The following TLE3 variants were observed in gnomAD, a reference collection of about 807,000 sequenced individuals.
TLE3 encodes the protein transducin-like enhancer protein 3.
A neutral mutation model predicts 93.0 loss-of-function variants in TLE3; 14 were observed. The ratio of observed to expected loss-of-function variants is 0.15; its 90% CI spans 0.10 to 0.24. The LOEUF is 0.24. TLE3 is among the 10% of genes least tolerant of loss of function. The pLI, the probability that TLE3 is intolerant of heterozygous loss-of-function variation, is 1.00. For missense variants in TLE3, 693 were observed against 1,046.6 expected, an observed-to-expected ratio of 0.66 and a Z score of 4.66; for synonymous variants, 451 against 425.0, an observed-to-expected ratio of 1.06 and a Z score of -0.75.
At chr15:70,096,330 C>A (rs1461510035) in intron 1 of TLE3, 69 bp from the exon 2 acceptor site, 2 of 1,531,512 alleles carry the variant, frequency 1.3e-6, no homozygotes, top group African/African-American at 2.8e-5. Context: ...CGGCCCCGGC[C>A]CCTCCCCAAC....
chr15:70,097,882 T>C lies in TLE3; in HGVS notation c.-1084A>G, dbSNP rs1596057915. On this transcript the variant is annotated 5_prime_UTR_variant, in exon 1 of 20. Transcript: ENST00000451782. The stretch of plus-strand genomic sequence containing the variant: ...ACAGGCGAAGGGGACGAGCACGAGG[T>C]CTGAACTGCCGCGAGAGCAGTTCCA... 1.3e-5 allele frequency: 4 copies of C among 304,030 alleles called. No individual in the cohort carries two copies. In the East Asian group the frequency reaches 2.0e-4, roughly 15 times the overall value. 18.8% of individuals were successfully genotyped at this position (304,030 alleles called of 1,614,324 possible).
intron 4 of TLE3, among the ~76,000 whole-genome samples, chr15:70,079,218 C>T (rs2057618082): frequency 6.6e-6 from 1 of 151,916 alleles, no homozygotes; most frequent in African/African-American, 2.4e-5. Context: ...AGGGCTATCG[C>T]AACAATGCCA....
chr15:70,093,853 C>T (rs898460580), intron 4 of TLE3, among the ~76,000 whole-genome samples: 6 of 152,186 alleles, frequency 3.9e-5, no homozygotes, highest in African/African-American at 1.4e-4. Flanking sequence ...AGCTCAACCC[C>T]CAGCCATCTC....
chr15:70,067,219 T>C (rs967946348), intron 6 of TLE3, among the ~76,000 whole-genome samples: 6 of 152,154 alleles, frequency 3.9e-5, no homozygotes, highest in African/African-American at 1.4e-4. Context: ...TGGGCTTCTC[T>C]TTCCTCTCCC....
rs2055920964 is a variant in TLE3 at position 70,055,277 on chromosome 15, A to G, written c.1350T>C (p.Ser450=). The G allele has an allele frequency of 1.3e-6, 2 of 1,594,622 alleles. No homozygotes were observed. Among genetic ancestry groups the G allele is most frequent in the Non-Finnish European group, 1.7e-6 (2 of 1,171,418 alleles). The part of the protein sequence containing the change: ...GGKPAYSFHV[S]ADGQMQPVPF... ...GCACGGGCTGCATCTGCCCATCAGC[A>G]CTCACATGGAATGAGTACGCTCTGA... The change falls in exon 15 of 20, where the codon AGT becomes AGC. Residue 450 remains serine (S), a synonymous_variant. Coordinates refer to ENST00000451782, the MANE Select transcript of TLE3 (RefSeq NM_001105192.3).
At chr15:70,094,261 G>T (rs772633014) in intron 4 of TLE3, among the ~76,000 whole-genome samples, 1 of 151,884 alleles carries the variant, frequency 6.6e-6, no homozygotes, top group Non-Finnish European at 1.5e-5. Context: ...GATCCTGGAG[G>T]TACAACTTTC....
intron 4 of TLE3, among the ~76,000 whole-genome samples, chr15:70,093,079 G>A (rs72749676): frequency 0.15 from 22,948 of 152,172 alleles, 2,029 homozygotes; most frequent in Middle Eastern, 0.21. Flanking sequence ...GCCCCTTCCA[G>A]TTGCAGAACC....
chr15:70,059,460 C>A lies in TLE3; in HGVS notation c.715G>T (p.Asp239Tyr). The A allele has an allele frequency of 6.2e-7, 1 of 1,608,636 alleles. No individual in the cohort carries two copies. Residue 239 changes from aspartate to tyrosine, a missense_variant and splice_region_variant, in exon 10 of 20, where the codon GAC (aspartate) becomes TAC (tyrosine). Physicochemically the swap from Asp to Tyr is radical, Grantham distance 160. Transcript: ENST00000451782. ...AEEKDSLSRYDSDGDKSDDLV... is the reference protein window; with the variant it reads ...AEEKDSLSRYYSDGDKSDDLV... ...TCATCACTCTTGTCTCCATCACTGT[C>A]CTGCAACCAAGAGAGAAGCCAACTG...
At chr15:70,063,689 A>AT (rs1180046654) in intron 8 of TLE3, among the ~76,000 whole-genome samples, 7 of 152,110 alleles carry the variant, frequency 4.6e-5, no homozygotes, top group African/African-American at 7.2e-5. Flanking sequence ...TCGCTGGAGG[A>AT]TTTTTTTTAT....
intron 3 of TLE3, among the ~76,000 whole-genome samples, chr15:70,095,046 C>G (rs376341165): frequency 6.6e-6 from 1 of 152,294 alleles, no homozygotes; most frequent in East Asian, 1.9e-4. Context: ...GAGAAGATAC[C>G]CAGCTGGGGG....
At chr15:70,080,397 G>A (rs587507) in intron 4 of TLE3, among the ~76,000 whole-genome samples, 3,852 of 152,226 alleles carry the variant, frequency 0.025, 160 homozygotes, top group African/African-American at 0.089. Context: ...CAAAGCAGGC[G>A]CTTTGTTGGT....
At chr15:70,096,133 G>C in intron 2 of TLE3, 28 bp downstream of exon 2, 1 of 1,540,662 alleles carries the variant, frequency 6.5e-7, no homozygotes, top group Non-Finnish European at 8.8e-7. Context: ...CTCCCCGCCA[G>C]CCCCGGGGCG....
rs780088210 is a variant in TLE3, at chr15:70,049,514, T to TG, written c.*582_*583insC. 1.6e-5 allele frequency: 2 copies of TG among 122,184 alleles called. No individual in the cohort carries two copies. The highest frequency in any genetic ancestry group is 8.2e-5 in the Admixed American group (1 of 12,240). 7.6% of individuals were successfully genotyped at this position (122,184 alleles called of 1,614,324 possible). On this transcript the variant is annotated 3_prime_UTR_variant, in exon 20 of 20. Transcript: ENST00000451782. ...TCCCAGGTGAGAGCATCTGTTTATT[T>TG]AAAAAAAAAAAAAAAAAAAAGCCAC...
At chr15:70,050,344 C>T (rs1004382858) in intron 19 of TLE3, 140 bp from the exon 20 acceptor site, 11 of 677,072 alleles carry the variant, frequency 1.6e-5, no homozygotes, top group African/African-American at 1.1e-4. Context: ...TCTGATGCTC[C>T]GACCTGGAGC....
intron 4 of TLE3, among the ~76,000 whole-genome samples, chr15:70,092,023 T>C (rs1645216719): frequency 8.0e-6 from 1 of 125,060 alleles, no homozygotes; most frequent in Non-Finnish European, 1.6e-5. Flanking sequence ...TCCAGGCAGA[T>C]GTAATCACAC....
Position 70,057,557 on chromosome 15 carries a change from C to T in TLE3, c.1153G>A (p.Ala385Thr), listed in dbSNP as rs765874326. 40 of 1,602,642 alleles carry T rather than the reference C, an allele frequency of 2.5e-5. No individual in the cohort carries two copies. The highest frequency in any genetic ancestry group is 1.1e-4 in the East Asian group (5 of 44,352). The change falls in exon 13 of 20, where the codon GCC becomes ACC. Residue 385 changes from alanine to threonine, a missense_variant. Ala to Thr is a moderately conservative substitution (Grantham distance 58). Around this residue, in one of 4 missense-constraint regions of TLE3, gnomAD observed 405 missense variants for 468.9 expected, o/e 0.86. Coordinates refer to ENST00000451782, the MANE Select transcript of TLE3 (RefSeq NM_001105192.3). ...EMNGSLTSPG[A>T]YAGLHNIPPQ... ...GGGATGTTGTGGAGGCCGGCGTAGG[C>T]GCCAGGACTGGTGAGGGAGCCGTTC...
chr15:70,058,914 A>G lies in TLE3; in HGVS notation c.766-99T>C, dbSNP rs2056280362. On this transcript the variant is annotated intron_variant, in intron 10 of 19. Coordinates refer to ENST00000451782, the MANE Select transcript of TLE3 (RefSeq NM_001105192.3). This position sits in a 1 kb window ranked among gnomAD's most constrained non-coding sequence, Gnocchi z 4.1. ...GAAGAGAGAGGGCATGGGCGATGGG[A>G]AGACGAGCTTGGCTGAAAGACTGGG... is the stretch of plus-strand genomic sequence containing the variant. 3 of 1,415,284 alleles carry G rather than the reference A, an allele frequency of 2.1e-6. No homozygotes were observed. Among genetic ancestry groups the G allele is most frequent in the South Asian group, 1.5e-5 (1 of 66,616 alleles). The allele number at this position is 1,415,284 out of a possible 1,614,324, so 87.7% of individuals were successfully genotyped here.
intron 8 of TLE3, among the ~76,000 whole-genome samples, chr15:70,061,452 T>C (rs551099244): frequency 5.9e-5 from 9 of 151,910 alleles, no homozygotes; most frequent in Non-Finnish European, 1.3e-4. Flanking sequence ...CCCTCAACTA[T>C]AAAGCAAATG....
At chr15:70,050,886 C>G (rs2055468934) in intron 19 of TLE3, 1 of 157,484 alleles carries the variant, frequency 6.3e-6, no homozygotes, top group African/African-American at 2.4e-5. Context: ...GTGTGCCAAT[C>G]AGTGCAGTAT....
Sources: allele counts gnomAD v4.1 joint callset (sites outside exome capture counted in the v4.1 genomes callset), GRCh38; gene constraint gnomAD v4.1.1; regional missense constraint gnomAD v4.1.1; non-coding constraint Gnocchi (gnomAD v3.1); transcripts MANE v1.5; gene names NCBI Gene and HGNC (gene_info 2026-07-23, HGNC 2026-07-21).